The following MAPKAP1 variants were observed in gnomAD, a reference collection of about 807,000 sequenced individuals.
The protein encoded by MAPKAP1 is target of rapamycin complex 2 subunit MAPKAP1.
Under a neutral mutation model 65.7 loss-of-function variants are expected in MAPKAP1, and 20 were observed. The ratio of observed to expected loss-of-function variants is 0.30; its 90% CI spans 0.21 to 0.44. The LOEUF (loss-of-function observed/expected upper bound fraction) is 0.44, where lower values mean the gene tolerates loss of function less well. Among genes scored for constraint, MAPKAP1 ranks in the 20% least tolerant of loss-of-function variants. MAPKAP1 has a pLI of 1.00. For synonymous variants in MAPKAP1, 222 were observed against 244.3 expected, an observed-to-expected ratio of 0.91 and a Z score of 0.85; for missense variants, 423 against 648.0, an observed-to-expected ratio of 0.65 and a Z score of 3.77.
At chr9:125,492,218 CA>C (rs1312037632) in intron 8 of MAPKAP1, among the ~76,000 whole-genome samples, 2 of 152,048 alleles carry the variant, frequency 1.3e-5, no homozygotes, top group Non-Finnish European at 2.9e-5. Flanking sequence ...CTCAAAATAA[CA>C]AAACAAAACA....
chr9:125,654,751 T>C (rs898229942), intron 4 of MAPKAP1, among the ~76,000 whole-genome samples: 8 of 152,200 alleles, frequency 5.3e-5, no homozygotes, highest in Non-Finnish European at 7.3e-5. Context: ...AACAATCCAG[T>C]TGGCATGAAC....
At chr9:125,482,566 G>C (rs750247174) in intron 9 of MAPKAP1, among the ~76,000 whole-genome samples, 3 of 152,176 alleles carry the variant, frequency 2.0e-5, no homozygotes, top group African/African-American at 7.2e-5. Context: ...AGGTTTTTAT[G>C]AGGAAGAAGA....
At chr9:125,490,094 G>T (rs1854643481) in intron 8 of MAPKAP1, among the ~76,000 whole-genome samples, 1 of 152,174 alleles carries the variant, frequency 6.6e-6, no homozygotes, top group Admixed American at 6.5e-5. Flanking sequence ...TAAATTAGTG[G>T]TTCTCAAAGT....
intron 7 of MAPKAP1, among the ~76,000 whole-genome samples, chr9:125,508,695 A>T (rs535678529): frequency 3.9e-5 from 6 of 152,172 alleles, no homozygotes; most frequent in South Asian, 4.2e-4. Context: ...CTACAAAAAA[A>T]TTTTTTTAAA....
At chr9:125,543,267 T>G (rs1564549846) in intron 6 of MAPKAP1, 99 bp from the exon 7 acceptor site, 4 of 842,000 alleles carry the variant, frequency 4.8e-6, no homozygotes, top group South Asian at 4.6e-5. Context: ...TTGTTGTTGT[T>G]TGTTTTGTTT....
chr9:125,513,170 A>G (rs1829358185), intron 7 of MAPKAP1: 1 of 152,292 alleles, frequency 6.6e-6, no homozygotes, highest in Non-Finnish European at 1.5e-5. Context: ...CAGCCTCCTG[A>G]GGAGCTGGGA....
intron 10 of MAPKAP1, among the ~76,000 whole-genome samples, chr9:125,460,678 G>C (rs1237283949): frequency 2.0e-5 from 3 of 152,146 alleles, no homozygotes; most frequent in African/African-American, 7.2e-5. Flanking sequence ...GAACTACAGA[G>C]ACAAGCACAT....
intron 7 of MAPKAP1, among the ~76,000 whole-genome samples, chr9:125,509,773 C>T (rs1056233290): frequency 6.6e-6 from 1 of 152,078 alleles, no homozygotes; most frequent in African/African-American, 2.4e-5. Context: ...AATTTCAGGC[C>T]GGTCTCCTTT....
In MAPKAP1 at chr9:125,657,690, C is replaced by G. The variant is rs753186007; in HGVS notation, c.459G>C (p.Leu153=). ...SVRLEQCPLQ[L]NNPFNEYSKF... is the part of the protein sequence containing the mutation. Reference sequence around the variant, plus strand: ...TGGAATACTCGTTAAAAGGGTTATTCAGCTGCAGAGGGCACTGTTCTAGGC... The same window carrying G: ...TGGAATACTCGTTAAAAGGGTTATTGAGCTGCAGAGGGCACTGTTCTAGGC... Residue 153 remains leucine (L), a synonymous_variant, in exon 4 of 12, where the codon CTG becomes CTC. Transcript: ENST00000265960. 1 of 1,613,092 alleles carries G rather than the reference C, an allele frequency of 6.2e-7. No homozygotes were observed. The highest frequency in any genetic ancestry group is 8.5e-7 in the Non-Finnish European group (1 of 1,179,664).
intron 4 of MAPKAP1, among the ~76,000 whole-genome samples, chr9:125,593,756 C>T (rs915561279): frequency 6.6e-6 from 1 of 152,194 alleles, no homozygotes; most frequent in Non-Finnish European, 1.5e-5. Context: ...TCAGGAAATG[C>T]CCCCAAGGCA....
Position 125,703,810 on chromosome 9 carries a change from G to C in MAPKAP1, c.-70+3161C>G, listed in dbSNP as rs546965173. Among the ~76,000 whole-genome samples the C allele has an allele frequency of 3.3e-5, 5 of 150,440 alleles. No individual in the cohort carries two copies. In the South Asian group the frequency reaches 1.1e-3, roughly 32 times the overall value. ...AACAAGTAACGTGACAGAAGTCCTT[G>C]TCATATAATAATTTGACATCTACAA... On this transcript the variant is annotated intron_variant, in intron 1 of 11. Transcript: ENST00000265960.
At chr9:125,705,969 G>A (rs1042762471) in intron 1 of MAPKAP1, among the ~76,000 whole-genome samples, 1 of 152,172 alleles carries the variant, frequency 6.6e-6, no homozygotes, top group Non-Finnish European at 1.5e-5. Context: ...GGAGATGTAA[G>A]GGGGTGTAAG....
At chr9:125,703,501 G>A (rs1377074165) in intron 1 of MAPKAP1, among the ~76,000 whole-genome samples, 1 of 152,154 alleles carries the variant, frequency 6.6e-6, no homozygotes, top group Non-Finnish European at 1.5e-5. Context: ...GCCACGAATG[G>A]TGGCTCACGC....
intron 9 of MAPKAP1, 64 bp downstream of exon 9, chr9:125,484,378 CT>C: frequency 6.8e-7 from 1 of 1,479,626 alleles, no homozygotes; most frequent in Non-Finnish European, 9.0e-7. Context: ...TATGTTGTTT[CT>C]TTCCCCATTT....
intron 6 of MAPKAP1, 152 bp downstream of exon 6, chr9:125,559,481 C>T (rs1834379729): frequency 7.8e-6 from 5 of 644,866 alleles, no homozygotes; most frequent in South Asian, 4.3e-5. Context: ...ATGCGAATGT[C>T]GTCCTCAGCA....
At chr9:125,529,743 T>C (rs760598806) in intron 7 of MAPKAP1, among the ~76,000 whole-genome samples, 1 of 152,170 alleles carries the variant, frequency 6.6e-6, no homozygotes, top group Non-Finnish European at 1.5e-5. Context: ...TGCCATACTG[T>C]GATTAGTAGC....
intron 2 of MAPKAP1, among the ~76,000 whole-genome samples, chr9:125,671,438 T>C (rs1421251737): frequency 6.6e-6 from 1 of 152,234 alleles, no homozygotes; most frequent in Admixed American, 6.5e-5. Flanking sequence ...ATTTTCAGTG[T>C]TCTACTATAT....
chr9:125,698,141 G>A (rs554337935), intron 1 of MAPKAP1, among the ~76,000 whole-genome samples: 29 of 150,134 alleles, frequency 1.9e-4, no homozygotes, highest in African/African-American at 5.4e-4. Context: ...TCACGCATGC[G>A]CGTTCTCGCT....
chr9:125,623,834 C>T (rs1435302711), intron 4 of MAPKAP1, among the ~76,000 whole-genome samples: 5 of 34,376 alleles, frequency 1.5e-4, no homozygotes, highest in South Asian at 3.1e-3. Flanking sequence ...CCCGGCCAGC[C>T]GCCCCGTCCG....
Sources: allele counts gnomAD v4.1 joint callset (sites outside exome capture counted in the v4.1 genomes callset), GRCh38; gene constraint gnomAD v4.1.1; transcripts MANE v1.5; gene names NCBI Gene and HGNC (gene_info 2026-07-23, HGNC 2026-07-21).